HADH: variants seen among roughly 807,000 people sequenced by gnomAD.
HADH encodes the protein hydroxyacyl-coenzyme A dehydrogenase, mitochondrial.
Under a neutral mutation model 32.2 loss-of-function variants are expected in HADH, and 24 were observed. The ratio of observed to expected loss-of-function variants is 0.75; its 90% CI spans 0.54 to 1.05. The LOEUF is 1.05. Ranked by LOEUF, HADH falls within the 50% of genes least tolerant of loss-of-function variation. HADH has a pLI of 0.00. For missense variants in HADH, 350 were observed against 397.1 expected, an observed-to-expected ratio of 0.88 and a Z score of 1.01; for synonymous variants, 139 against 152.5, an observed-to-expected ratio of 0.91 and a Z score of 0.65.
intron 1 of HADH, among the ~76,000 whole-genome samples, chr4:108,000,529 C>A (rs1341324484): frequency 6.6e-6 from 1 of 152,208 alleles, no homozygotes; most frequent in Non-Finnish European, 1.5e-5. Context: ...CATAACTGAG[C>A]AGCCATTGGT....
intron 1 of HADH, among the ~76,000 whole-genome samples, chr4:107,993,962 C>T (rs560135757): frequency 8.5e-5 from 13 of 152,250 alleles, no homozygotes; most frequent in African/African-American, 2.6e-4. Flanking sequence ...TAGCTGTGTG[C>T]ATTTCTCCAG....
rs149641872 is a variant in HADH at position 108,002,927 on chromosome 4, A to T, written c.133-6832A>T. ...GCTAACAAGCTTTGTGCACCTTCAC[A>T]TGCCTGGCACTGGTCTAAGCATGTT... On this transcript the variant is annotated intron_variant, in intron 1 of 7. Transcript: ENST00000309522. Among the ~76,000 whole-genome samples, 1,096 of 152,346 alleles carry T rather than the reference A, an allele frequency of 7.2e-3. 8 individuals are homozygous for T. Among genetic ancestry groups the T allele is most frequent in the Admixed American group, 0.011 (163 of 15,296 alleles).
At chr4:108,004,738 A>G (rs1735235216) in intron 1 of HADH, 1 of 1,534,428 alleles carries the variant, frequency 6.5e-7, no homozygotes, top group East Asian at 2.4e-5. Context: ...TAGATGGAAA[A>G]GAGATTTTTA....
intron 4 of HADH, among the ~76,000 whole-genome samples, chr4:108,020,190 T>C (rs189389859): frequency 2.0e-5 from 3 of 152,248 alleles, no homozygotes; most frequent in Admixed American, 1.3e-4. Context: ...CCAGCTCCCA[T>C]TGGGTGCGGC....
intron 6 of HADH, chr4:108,029,048 GCTT>G: frequency 7.6e-6 from 3 of 396,472 alleles, no homozygotes; most frequent in Non-Finnish European, 8.9e-6. Flanking sequence ...TGGTCCCTCT[GCTT>G]CTTTTTCCAC....
intron 4 of HADH, among the ~76,000 whole-genome samples, chr4:108,021,597 T>TTGAA (rs891755438): frequency 6.6e-6 from 1 of 152,234 alleles, no homozygotes; most frequent in African/African-American, 2.4e-5. Flanking sequence ...TTACTGTTCG[T>TTGAA]TGAATGAATG....
At chr4:108,011,314 G>T (rs1735486408) in intron 2 of HADH, among the ~76,000 whole-genome samples, 1 of 152,158 alleles carries the variant, frequency 6.6e-6, no homozygotes, top group Non-Finnish European at 1.5e-5. Flanking sequence ...AAGGAAAGAG[G>T]TTTAATTGAC....
At chr4:108,009,232 C>T (rs1465693988) in intron 1 of HADH, among the ~76,000 whole-genome samples, 1 of 152,210 alleles carries the variant, frequency 6.6e-6, no homozygotes, top group East Asian at 1.9e-4. Flanking sequence ...CCAAGCTGTA[C>T]AAGGGGCTCC....
intron 3 of HADH, among the ~76,000 whole-genome samples, chr4:108,015,906 A>G (rs1735676118): frequency 1.3e-5 from 2 of 152,074 alleles, no homozygotes; most frequent in African/African-American, 2.4e-5. Flanking sequence ...GGAGTACCCT[A>G]CGTGTCCTTA....
intron 4 of HADH, 144 bp downstream of exon 4, chr4:108,019,810 A>T: frequency 2.3e-6 from 2 of 881,070 alleles, no homozygotes; most frequent in Non-Finnish European, 3.8e-6. Flanking sequence ...CCTCATATCT[A>T]GGAGGGCTTC....
rs771772152 is a variant in HADH, at chr4:107,990,066, T to TGAA, written c.132+4_132+5insAGA. 6.2e-7 allele frequency: 1 copy of TGAA among 1,607,654 alleles called. No homozygotes were observed. The highest frequency in any genetic ancestry group is 8.5e-7 in the Non-Finnish European group (1 of 1,178,172). On this transcript the variant is annotated splice_region_variant and intron_variant, in intron 1 of 7. Coordinates refer to ENST00000309522, the MANE Select transcript of HADH (RefSeq NM_005327.7). The stretch of plus-strand genomic sequence containing the variant: ...CTGATGGGCGCCGGCATTGCCCAGG[T>TGAA]GAGCGGCCCTCCCTGCAGCGTGCCC...
chr4:108,005,084 A>G, intron 1 of HADH: 1 of 475,578 alleles, frequency 2.1e-6, no homozygotes, highest in Non-Finnish European at 3.7e-6. Flanking sequence ...GAAACTCCTA[A>G]TCAAGATACC....
At chr4:107,999,532 A>G (rs1302633500) in intron 1 of HADH, among the ~76,000 whole-genome samples, 1 of 152,228 alleles carries the variant, frequency 6.6e-6, no homozygotes, top group African/African-American at 2.4e-5. Flanking sequence ...ATAATTTTAA[A>G]GTAACTTGAT....
At chr4:108,003,401 C>G (rs170240) in intron 1 of HADH, among the ~76,000 whole-genome samples, 4 of 151,928 alleles carry the variant, frequency 2.6e-5, no homozygotes, top group Non-Finnish European at 5.9e-5. Flanking sequence ...TCTTAAAGGC[C>G]GCACCTCTCA....
chr4:108,034,094 G>T (rs1404459873), intron 7 of HADH, 145 bp from the exon 8 acceptor site: 1 of 739,468 alleles, frequency 1.4e-6, no homozygotes. Flanking sequence ...CTTCCTTGGT[G>T]CCTCTGCAGT....
intron 1 of HADH, among the ~76,000 whole-genome samples, chr4:108,002,542 T>TTA (rs1326913219): frequency 6.6e-6 from 1 of 152,192 alleles, no homozygotes; most frequent in Admixed American, 6.5e-5. Flanking sequence ...ATAATAGAAA[T>TTA]AAAGTGCACA....
At chr4:108,023,435 C>G (rs1472578115) in intron 4 of HADH, 39 bp from the exon 5 acceptor site, 1 of 1,239,962 alleles carries the variant, frequency 8.1e-7, no homozygotes, top group Admixed American at 1.7e-5. Flanking sequence ...AAGTTGCTTG[C>G]TGACACTCTG....
rs1352226348 is a variant in HADH, at chr4:108,029,806, G to A, written c.709+2046G>A. The A allele has an allele frequency of 2.6e-5, 4 of 152,566 alleles. No individual in the cohort carries two copies. The East Asian group carries it at 7.7e-4, about 29-fold the overall frequency. 9.5% of individuals were successfully genotyped at this position (152,566 alleles called of 1,614,324 possible). On this transcript the variant is annotated intron_variant, in intron 6 of 7. Coordinates refer to ENST00000309522, the MANE Select transcript of HADH (RefSeq NM_005327.7). ...TCCACTCATTTTGGCTTCCATGTTG[G>A]GCCTTCTTTCCCAGTATCCCAGCTC... is the stretch of plus-strand genomic sequence containing the variant.
intron 1 of HADH, among the ~76,000 whole-genome samples, chr4:108,008,527 TTC>T (rs1348367712): frequency 6.6e-6 from 1 of 152,204 alleles, no homozygotes; most frequent in Non-Finnish European, 1.5e-5. Flanking sequence ...GCTCTTTTGT[TTC>T]TGTTTCTTTT....
Sources: allele counts gnomAD v4.1 joint callset (sites outside exome capture counted in the v4.1 genomes callset), GRCh38; gene constraint gnomAD v4.1.1; transcripts MANE v1.5; gene names NCBI Gene and HGNC (gene_info 2026-07-23, HGNC 2026-07-21).